TENM2: variants seen among roughly 807,000 people sequenced by gnomAD.
TENM2 encodes teneurin transmembrane protein 2.
A neutral mutation model predicts 245.2 loss-of-function variants in TENM2; 52 were observed. The observed-to-expected ratio is 0.21, with a 90% CI of 0.17 to 0.27. The LOEUF (loss-of-function observed/expected upper bound fraction) is 0.27, where lower values mean the gene tolerates loss of function less well. Among genes scored for constraint, TENM2 ranks in the 10% least tolerant of loss-of-function variants. The pLI is 1.00. For synonymous variants in TENM2, 1,363 were observed against 1,438.9 expected (o/e 0.95, Z 1.19); for missense variants, 3,046 against 3,666.8 (o/e 0.83, Z 4.37).
At chr5:167,423,151 C>A (rs1412265215) in intron 2 of TENM2, among the ~76,000 whole-genome samples, 2 of 151,578 alleles carry the variant, frequency 1.3e-5, no homozygotes, top group African/African-American at 4.8e-5. Flanking sequence ...TCTATTTTTT[C>A]ATTTTCTTTT....
chr5:167,869,071 G>A (rs1772585873), intron 2 of TENM2, among the ~76,000 whole-genome samples: 2 of 152,216 alleles, frequency 1.3e-5, no homozygotes, highest in South Asian at 4.1e-4. Context: ...AAGTGGAAGG[G>A]CTCAGTCTGC....
At chr5:167,427,465 G>T (rs1405901311) in intron 2 of TENM2, among the ~76,000 whole-genome samples, 5 of 149,732 alleles carry the variant, frequency 3.3e-5, no homozygotes, top group Non-Finnish European at 5.9e-5. Flanking sequence ...AAAAAAGAAA[G>T]GAAGGAAGGG....
At chr5:168,149,562 A>G (rs972320453) in intron 12 of TENM2, 1 of 448,970 alleles carries the variant, frequency 2.2e-6, no homozygotes, top group Admixed American at 2.4e-5. Context: ...GTCACAGAGC[A>G]GGACAAATTT....
chr5:167,956,758 A>G (rs189058300), intron 4 of TENM2, among the ~76,000 whole-genome samples: 1 of 152,130 alleles, frequency 6.6e-6, no homozygotes, highest in African/African-American at 2.4e-5. Flanking sequence ...GGTTCTGTTT[A>G]TGTGATTAAT....
chr5:167,493,956 C>T (rs1768612920), intron 2 of TENM2, among the ~76,000 whole-genome samples: 1 of 151,946 alleles, frequency 6.6e-6, no homozygotes, highest in African/African-American at 2.4e-5. Flanking sequence ...ATGATATGAT[C>T]GTATACTTGG....
intron 2 of TENM2, among the ~76,000 whole-genome samples, chr5:167,580,494 A>G (rs1397770724): frequency 6.6e-6 from 1 of 152,206 alleles, no homozygotes; most frequent in Non-Finnish European, 1.5e-5. Context: ...TCAGTCCTTG[A>G]TAAGTTATTT....
At chr5:167,505,191 G>C (rs990059554) in intron 2 of TENM2, among the ~76,000 whole-genome samples, 3 of 151,844 alleles carry the variant, frequency 2.0e-5, no homozygotes, top group African/African-American at 7.3e-5. Context: ...AAGCTGCCTC[G>C]GTATCATTAT....
intron 9 of TENM2, among the ~76,000 whole-genome samples, chr5:168,115,948 C>G (rs11748226): frequency 1.5e-4 from 23 of 152,018 alleles, no homozygotes; most frequent in African/African-American, 5.5e-4. Flanking sequence ...CATGTGCACA[C>G]GCCTGCCATC....
chr5:168,018,922 AC>A (rs1252469204), intron 5 of TENM2, among the ~76,000 whole-genome samples: 1 of 152,174 alleles, frequency 6.6e-6, no homozygotes, highest in African/African-American at 2.4e-5. Flanking sequence ...ATAACACAAG[AC>A]CAAGGAGACC....
At chr5:167,912,825 C>T (rs1776651030) in intron 3 of TENM2, among the ~76,000 whole-genome samples, 1 of 152,158 alleles carries the variant, frequency 6.6e-6, no homozygotes, top group South Asian at 2.1e-4. Context: ...CTTTCCTTCT[C>T]CCAAGAGTAA....
intron 1 of TENM2, among the ~76,000 whole-genome samples, chr5:167,321,782 CTTATT>C (rs1756741953): frequency 1.7e-5 from 1 of 59,738 alleles, no homozygotes; most frequent in Admixed American, 2.8e-4. Context: ...GCTGCCTTGG[CTTATT>C]TTTTTTTTTT....
intron 2 of TENM2, among the ~76,000 whole-genome samples, chr5:167,775,352 C>T (rs976210632): frequency 1.3e-5 from 2 of 152,170 alleles, no homozygotes; most frequent in Admixed American, 6.5e-5. Context: ...TGGAATTTCT[C>T]TCTTAAGAAT....
At chr5:167,367,627 A>G (rs892535367) in intron 1 of TENM2, among the ~76,000 whole-genome samples, 1 of 152,148 alleles carries the variant, frequency 6.6e-6, no homozygotes, top group African/African-American at 2.4e-5. Flanking sequence ...TTAAATATGT[A>G]AATATGTAGG....
At position 167,760,665 on chromosome 5, in the gene TENM2, T is replaced by C. The variant is rs146513090; in HGVS notation, c.503-115321T>C. On this transcript the variant is annotated intron_variant, in intron 2 of 28. Coordinates refer to ENST00000518659, the Ensembl canonical transcript of TENM2. Reference sequence around the variant, plus strand: ...CTTGTTATTGTTGTTGTTGCTGTTGTTGTTTTGAGACAGAGTCTCACTCTG... The same window carrying C: ...CTTGTTATTGTTGTTGTTGCTGTTGCTGTTTTGAGACAGAGTCTCACTCTG... 4.1e-3 allele frequency among the ~76,000 whole-genome samples: 618 copies of C among 152,272 alleles called. 3 individuals carry two copies. The highest frequency in any genetic ancestry group is 0.014 in the African/African-American group (570 of 41,554).
At chr5:167,597,786 G>A (rs901249669) in intron 2 of TENM2, among the ~76,000 whole-genome samples, 1 of 151,960 alleles carries the variant, frequency 6.6e-6, no homozygotes, top group East Asian at 1.9e-4. Context: ...ATAGTATTCT[G>A]TACAAATCTC....
chr5:167,997,571 T>C (rs1367957707), intron 5 of TENM2, among the ~76,000 whole-genome samples: 2 of 152,264 alleles, frequency 1.3e-5, no homozygotes, highest in Non-Finnish European at 2.9e-5. Context: ...GCTGGTTAAC[T>C]CTGCTGTTGT....
intron 1 of TENM2, among the ~76,000 whole-genome samples, chr5:167,335,103 G>A (rs1358370407): frequency 6.6e-6 from 1 of 152,194 alleles, no homozygotes; most frequent in Non-Finnish European, 1.5e-5. Flanking sequence ...GTGGCTCATG[G>A]TTCTGTAGGC....
At chr5:167,061,925 G>A in the TENM2 span, among the ~76,000 whole-genome samples, 44 of 151,368 alleles carry the variant, frequency 2.9e-4, no homozygotes, top group Admixed American at 2.6e-3. Context: ...AGTGGACAAT[G>A]GAAGGTGAAG....
At chr5:167,265,055 C>T in the TENM2 span, among the ~76,000 whole-genome samples, 12 of 152,028 alleles carry the variant, frequency 7.9e-5, no homozygotes, top group South Asian at 6.2e-4. Flanking sequence ...TGGCCGGGAG[C>T]GATGGCTCAT....
Sources: allele counts gnomAD v4.1 joint callset (sites outside exome capture counted in the v4.1 genomes callset), GRCh38; gene constraint gnomAD v4.1.1; transcripts MANE v1.5; gene names NCBI Gene and HGNC (gene_info 2026-07-23, HGNC 2026-07-21).